PTPRE: variants seen among roughly 807,000 people sequenced by gnomAD.
PTPRE encodes the protein receptor-type tyrosine-protein phosphatase epsilon.
PTPRE carries 51 observed loss-of-function variants against 102.0 expected under a neutral mutation model. The ratio of observed to expected loss-of-function variants is 0.50; its 90% CI spans 0.40 to 0.63. PTPRE has a LOEUF of 0.63. PTPRE is among the 30% of genes least tolerant of loss of function. The probability of loss-of-function intolerance (pLI) is 0.00; values close to 1 mark genes in which losing one functional copy is unlikely to be tolerated. For synonymous variants in PTPRE, 345 were observed against 348.2 expected (o/e 0.99, Z 0.10); for missense variants, 752 against 915.1 (o/e 0.82, Z 2.30).
intron 1 of PTPRE, among the ~76,000 whole-genome samples, chr10:127,976,747 A>G (rs1261174563): frequency 6.6e-6 from 1 of 152,204 alleles, no homozygotes; most frequent in Non-Finnish European, 1.5e-5. Context: ...CAAGTTCAGT[A>G]GCTCCTTCTG....
At chr10:127,961,218 A>G (rs546010186) in intron 1 of PTPRE, among the ~76,000 whole-genome samples, 1 of 152,196 alleles carries the variant, frequency 6.6e-6, no homozygotes, top group East Asian at 1.9e-4. Flanking sequence ...GACCACACAA[A>G]TGAAAACGAT....
intron 1 of PTPRE, among the ~76,000 whole-genome samples, chr10:127,964,116 G>A (rs1043109851): frequency 1.3e-5 from 2 of 152,078 alleles, no homozygotes; most frequent in African/African-American, 2.4e-5. Context: ...ACTGCAGTCC[G>A]TCGCCCCCTC....
At chr10:128,042,645 C>A (rs886072578) in intron 3 of PTPRE, among the ~76,000 whole-genome samples, 1 of 152,184 alleles carries the variant, frequency 6.6e-6, no homozygotes, top group Non-Finnish European at 1.5e-5. Context: ...CCCTTTAAAT[C>A]TTCATCTGAC....
intron 17 of PTPRE, among the ~76,000 whole-genome samples, chr10:128,074,666 C>CA (rs34362431): frequency 0.047 from 6,201 of 133,198 alleles, 133 homozygotes; most frequent in Non-Finnish European, 0.057. Flanking sequence ...GACTCTGTCT[C>CA]AAAAAAAAAA....
chr10:127,932,578 C>T (rs2135244555), intron 1 of PTPRE, among the ~76,000 whole-genome samples: 1 of 152,340 alleles, frequency 6.6e-6, no homozygotes, highest in South Asian at 2.1e-4. Flanking sequence ...CTCTGCTTTC[C>T]CTGCAGCAAC....
At chr10:127,949,126 C>T (rs1352268665) in intron 1 of PTPRE, among the ~76,000 whole-genome samples, 2 of 152,248 alleles carry the variant, frequency 1.3e-5, no homozygotes, top group Non-Finnish European at 1.5e-5. Context: ...ATTTCACCAA[C>T]ACCTTCGCTG....
chr10:128,023,430 T>C (rs1036553349), intron 2 of PTPRE, among the ~76,000 whole-genome samples: 7 of 151,898 alleles, frequency 4.6e-5, no homozygotes, highest in African/African-American at 1.7e-4. Context: ...GTAACTGGTC[T>C]AAAATAGGTG....
intron 1 of PTPRE, among the ~76,000 whole-genome samples, chr10:127,971,448 A>G (rs1036316153): frequency 7.9e-5 from 12 of 152,072 alleles, no homozygotes; most frequent in African/African-American, 2.9e-4. Flanking sequence ...TCTCCACACT[A>G]TGTGGAGGAG....
intron 2 of PTPRE, among the ~76,000 whole-genome samples, chr10:128,027,144 G>A (rs565082950): frequency 4.0e-4 from 61 of 152,250 alleles, no homozygotes; most frequent in Non-Finnish European, 7.8e-4. Context: ...GCAATGAGGT[G>A]ACGCTTAGGT....
intron 5 of PTPRE, among the ~76,000 whole-genome samples, chr10:128,049,255 C>A (rs1475668049): frequency 6.6e-6 from 1 of 151,834 alleles, no homozygotes; most frequent in African/African-American, 2.4e-5. Flanking sequence ...GGATGAGTGG[C>A]CTCGGGAGGG....
chr10:127,956,771 T>C (rs966418172), intron 1 of PTPRE, among the ~76,000 whole-genome samples: 6 of 152,174 alleles, frequency 3.9e-5, no homozygotes, highest in African/African-American at 1.4e-4. Context: ...TTACAATAGG[T>C]GGGTAGTGGT....
chr10:128,071,996 C>G lies in PTPRE; in HGVS notation c.1388-142C>G, dbSNP rs1403385137. 12 of 618,596 alleles carry G rather than the reference C, an allele frequency of 1.9e-5. No individual in the cohort carries two copies. The East Asian group carries it at 2.0e-4, about 10-fold the overall frequency. 38.3% of individuals were successfully genotyped at this position (618,596 alleles called of 1,614,324 possible). On this transcript the variant is annotated intron_variant, in intron 15 of 20. Transcript: ENST00000254667. ...CTGAGCCACTTTAATTATCGTCTCT[C>G]ATAACGTAAACTTTCCAAAGAGTTG...
At chr10:128,049,956 ATCTC>A (rs1848424002) in intron 6 of PTPRE, among the ~76,000 whole-genome samples, 1 of 152,176 alleles carries the variant, frequency 6.6e-6, no homozygotes, top group East Asian at 1.9e-4. Context: ...AAACACTGTT[ATCTC>A]GATAACACAG....
chr10:127,937,486 C>T (rs1342231444), intron 1 of PTPRE, among the ~76,000 whole-genome samples: 2 of 152,064 alleles, frequency 1.3e-5, no homozygotes, highest in Non-Finnish European at 2.9e-5. Flanking sequence ...AACAGAGGCC[C>T]CAGGGTTGTT....
intron 2 of PTPRE, among the ~76,000 whole-genome samples, chr10:128,022,103 T>C (rs1406962518): frequency 6.6e-6 from 1 of 152,184 alleles, no homozygotes; most frequent in Admixed American, 6.5e-5. Flanking sequence ...CCAGATAAAG[T>C]CAAATGAAAG....
At chr10:128,078,813 C>T (rs1382791887) in intron 19 of PTPRE, among the ~76,000 whole-genome samples, 2 of 152,226 alleles carry the variant, frequency 1.3e-5, no homozygotes, top group South Asian at 4.1e-4. Flanking sequence ...AACGCAGATG[C>T]GGGGCCGATC....
intron 2 of PTPRE, among the ~76,000 whole-genome samples, chr10:127,994,250 T>G (rs1401382261): frequency 6.6e-6 from 1 of 152,184 alleles, no homozygotes; most frequent in East Asian, 1.9e-4. Context: ...AAGGACTTTC[T>G]TTTCCGGGGG....
At position 128,068,517 on chromosome 10, in the gene PTPRE, C is replaced by T. The variant is rs1850480215; in HGVS notation, c.1007+231C>T. On this transcript the variant is annotated intron_variant, in intron 12 of 20. Coordinates refer to ENST00000254667, the MANE Select transcript of PTPRE (RefSeq NM_006504.6). ...AAAACCCACCAAAGCCAGGAGGCTC[C>T]GGTTGATGGTGGGAATGGAGTTCTG... The T allele has an allele frequency of 1.8e-5, 7 of 391,160 alleles. No individual in the cohort carries two copies. The South Asian group carries it at 2.2e-4, about 12-fold the overall frequency. The allele number at this position is 391,160 out of a possible 1,614,324, so 24.2% of individuals were successfully genotyped here. A position where few individuals can be genotyped will look rare whatever the true frequency, so the allele number is the denominator to read the frequency against.
intron 17 of PTPRE, 133 bp from the exon 18 acceptor site, chr10:128,076,470 A>T: frequency 1.2e-6 from 1 of 857,222 alleles, no homozygotes; most frequent in Non-Finnish European, 1.7e-6. Context: ...ATTTATATTC[A>T]TATTCATATG....
Sources: gnomAD v4.1 joint callset for allele counts (sites outside exome capture counted in the v4.1 genomes callset) on GRCh38, gnomAD v4.1.1 for gene constraint, MANE v1.5 for transcripts, NCBI Gene and HGNC (gene_info 2026-07-23, HGNC 2026-07-21) for gene names.